Variants in NWD1 observed in about 807,000 individuals in gnomAD.
The protein encoded by NWD1 is NACHT domain- and WD repeat-containing protein 1.
In NWD1, 129 loss-of-function variants were observed where a neutral mutation model predicts 135.1. The observed-to-expected ratio is 0.96, with a 90% CI of 0.83 to 1.11. The LOEUF (loss-of-function observed/expected upper bound fraction) is 1.11, where lower values mean the gene tolerates loss of function less well. NWD1 is among the 50% of genes least tolerant of loss of function. NWD1 has a pLI of 0.00. For synonymous variants in NWD1, 773 were observed against 786.0 expected (o/e 0.98, Z 0.28); for missense variants, 1,740 against 1,851.3 (o/e 0.94, Z 1.10).
At chr19:16,762,826 C>A (rs1310773326) in intron 8 of NWD1, among the ~76,000 whole-genome samples, 1 of 151,874 alleles carries the variant, frequency 6.6e-6, no homozygotes, top group African/African-American at 2.4e-5. Context: ...GCTCTGTCAC[C>A]CAGGCTGGAG....
intron 11 of NWD1, among the ~76,000 whole-genome samples, chr19:16,774,918 T>C (rs768329436): frequency 6.6e-6 from 1 of 152,012 alleles, no homozygotes; most frequent in Non-Finnish European, 1.5e-5. Context: ...ATCGAGAAAC[T>C]GATTCCTCCA....
chr19:16,725,282 G>A (rs1032583678), intron 2 of NWD1, among the ~76,000 whole-genome samples: 2 of 151,792 alleles, frequency 1.3e-5, no homozygotes, highest in African/African-American at 4.8e-5. Flanking sequence ...GGGATTATAG[G>A]CATGATCCAC....
chr19:16,740,681 G>C (rs1406693683), intron 4 of NWD1, among the ~76,000 whole-genome samples: 1 of 134,450 alleles, frequency 7.4e-6, no homozygotes, highest in Admixed American at 8.3e-5. Context: ...GAGTTGCTCC[G>C]TTACCCAGGC....
chr19:16,755,213 CT>C (rs1968743330), intron 6 of NWD1, among the ~76,000 whole-genome samples: 1 of 151,956 alleles, frequency 6.6e-6, no homozygotes, highest in Non-Finnish European at 1.5e-5. Flanking sequence ...ATTAATATCT[CT>C]CTCTCTCTTT....
intron 12 of NWD1, among the ~76,000 whole-genome samples, chr19:16,780,539 A>G (rs1391455129): frequency 1.3e-5 from 2 of 152,168 alleles, no homozygotes; most frequent in Non-Finnish European, 2.9e-5. Flanking sequence ...TCACATTCAC[A>G]TTCTCTTGAC....
At chr19:16,783,186 C>T (rs1375785178) in intron 12 of NWD1, among the ~76,000 whole-genome samples, 6 of 151,706 alleles carry the variant, frequency 4.0e-5, no homozygotes, top group Non-Finnish European at 7.4e-5. Flanking sequence ...TGCATGCCAC[C>T]ATGCCCAACT....
intron 3 of NWD1, among the ~76,000 whole-genome samples, chr19:16,732,091 C>T (rs1967592579): frequency 6.6e-6 from 1 of 151,876 alleles, no homozygotes; most frequent in African/African-American, 2.4e-5. Context: ...GTGGCTCATG[C>T]CTGTAGTCCC....
intron 18 of NWD1, among the ~76,000 whole-genome samples, chr19:16,814,528 A>AT (rs1321677598): frequency 2.6e-5 from 4 of 152,242 alleles, no homozygotes; most frequent in Non-Finnish European, 5.9e-5. Context: ...GGCTGAATAA[A>AT]TATCAGGTGG....
intron 5 of NWD1, among the ~76,000 whole-genome samples, chr19:16,748,233 C>T (rs1968404251): frequency 6.6e-6 from 1 of 152,184 alleles, no homozygotes. Flanking sequence ...ATCTGCCCAC[C>T]TTGGCCTCCC....
At chr19:16,806,458 G>A (rs1403013766) in intron 17 of NWD1, among the ~76,000 whole-genome samples, 1 of 152,170 alleles carries the variant, frequency 6.6e-6, no homozygotes, top group Non-Finnish European at 1.5e-5. Flanking sequence ...GGTGGCTCAT[G>A]CCTGTAATCC....
chr19:16,761,350 C>CTTTCTTTCTT (rs60597477), intron 7 of NWD1, among the ~76,000 whole-genome samples: 1 of 144,092 alleles, frequency 6.9e-6, no homozygotes, highest in African/African-American at 2.9e-5. Flanking sequence ...CCCTTTCTTT[C>CTTTCTTTCTT]TCTTTCTTTC....
intron 18 of NWD1, among the ~76,000 whole-genome samples, chr19:16,809,320 T>C (rs1970850515): frequency 6.6e-6 from 1 of 151,960 alleles, no homozygotes; most frequent in Non-Finnish European, 1.5e-5. Flanking sequence ...TCAAGTGACC[T>C]GCCTTGGCCT....
Position 16,736,619 on chromosome 19 carries a change from G to T in NWD1, c.82-15G>T. On this transcript the variant is annotated splice_polypyrimidine_tract_variant and intron_variant, in intron 3 of 18. Transcript: ENST00000524140. Reference sequence around the variant, plus strand: ...CATGCCACCTCTCTGACAAACTTGTGTTTCTATTTCCCAGGTCGTTGATCT... The same window carrying T: ...CATGCCACCTCTCTGACAAACTTGTTTTTCTATTTCCCAGGTCGTTGATCT... 1.4e-6 allele frequency: 2 copies of T among 1,471,016 alleles called. No individual in the cohort carries two copies. The highest frequency in any genetic ancestry group is 1.8e-6 in the Non-Finnish European group (2 of 1,087,672). The allele number at this position is 1,471,016 out of a possible 1,614,324, so 91.1% of individuals were successfully genotyped here.
At chr19:16,735,829 AGAAG>A (rs1240567591) in intron 3 of NWD1, among the ~76,000 whole-genome samples, 4,801 of 56,426 alleles carry the variant, frequency 0.085, 235 homozygotes, top group Admixed American at 0.15. Flanking sequence ...AAGGAAGGAA[AGAAG>A]GAAGGAAGGA....
In NWD1 at chr19:16,799,964, G is replaced by A. The variant is rs150477676; in HGVS notation, c.3538G>A (p.Gly1180Ser). 2,380 of 1,614,112 alleles carry A rather than the reference G, an allele frequency of 1.5e-3. 35 individuals carry two copies. In the African/African-American group the frequency reaches 0.028, roughly 19 times the overall value. ...GGCCCCCGTGAGCCTGCTGGCCCGCGGCGGGGCTTTGGTGGCATCTGCTTC... is the reference window on the plus strand; with the variant it reads ...GGCCCCCGTGAGCCTGCTGGCCCGCAGCGGGGCTTTGGTGGCATCTGCTTC... ...VGAPVSLLAR[G>S]GALVASASPQ... is the part of the protein sequence containing the mutation. The change falls in exon 17 of 19, where the codon GGC becomes AGC. Residue 1180 changes from glycine (G) to serine (S), a missense_variant. Coordinates refer to ENST00000524140, the MANE Select transcript of NWD1 (RefSeq NM_001007525.5).
At chr19:16,736,999 G>T (rs1967848233) in intron 4 of NWD1, among the ~76,000 whole-genome samples, 1 of 152,110 alleles carries the variant, frequency 6.6e-6, no homozygotes, top group African/African-American at 2.4e-5. Context: ...AAGCCAGAAG[G>T]AATCTTGGAA....
intron 6 of NWD1, among the ~76,000 whole-genome samples, chr19:16,755,325 C>T (rs946372866): frequency 1.3e-5 from 2 of 152,156 alleles, no homozygotes; most frequent in Non-Finnish European, 2.9e-5. Flanking sequence ...AAGCGATCCT[C>T]CCATCTCAGC....
chr19:16,783,957 A>C (rs2123017163), intron 12 of NWD1, among the ~76,000 whole-genome samples: 1 of 152,176 alleles, frequency 6.6e-6, no homozygotes, highest in Admixed American at 6.5e-5. Context: ...CACGTCTGTA[A>C]TCCCAACACT....
intron 5 of NWD1, among the ~76,000 whole-genome samples, chr19:16,745,739 A>AAAAAAC (rs958096523): frequency 1.2e-4 from 18 of 150,660 alleles, no homozygotes; most frequent in South Asian, 4.2e-4. Context: ...GACCTGTCTC[A>AAAAAAC]AAAAACAAAA....
Sources: gnomAD v4.1 joint callset for allele counts (sites outside exome capture counted in the v4.1 genomes callset) on GRCh38, gnomAD v4.1.1 for gene constraint, MANE v1.5 for transcripts, NCBI Gene and HGNC (gene_info 2026-07-23, HGNC 2026-07-21) for gene names.